Variants in DRC8 observed in about 807,000 individuals in gnomAD.
DRC8 encodes dynein regulatory complex protein 8.
At chr1:245,024,886 A>T in the DRC8 span, among the ~76,000 whole-genome samples, 3 of 151,998 alleles carry the variant, frequency 2.0e-5, no homozygotes, top group Admixed American at 2.0e-4. Context: ...ATATCTCTTA[A>T]AACTGTTTGT....
the DRC8 span, among the ~76,000 whole-genome samples, chr1:245,056,722 G>A: frequency 6.6e-6 from 1 of 152,124 alleles, no homozygotes; most frequent in African/African-American, 2.4e-5. Flanking sequence ...TGGATCACGA[G>A]GTCAAGAAAT....
At chr1:245,099,564 C>T in the DRC8 span, among the ~76,000 whole-genome samples, 4 of 152,216 alleles carry the variant, frequency 2.6e-5, no homozygotes, top group African/African-American at 4.8e-5. Flanking sequence ...CCTACCTGCT[C>T]TCTCCAGACA....
the DRC8 span, among the ~76,000 whole-genome samples, chr1:244,994,606 T>A: frequency 6.6e-6 from 1 of 152,072 alleles, no homozygotes; most frequent in African/African-American, 2.4e-5. Flanking sequence ...ATTTTTGTAT[T>A]TTTAGTAGTG....
the DRC8 span, among the ~76,000 whole-genome samples, chr1:245,015,481 C>T: frequency 3.3e-5 from 5 of 151,856 alleles, no homozygotes; most frequent in African/African-American, 9.7e-5. Flanking sequence ...GAGGCTGAGG[C>T]GGGTGGATAA....
chr1:245,104,488 A>G, the DRC8 span, among the ~76,000 whole-genome samples: 1 of 150,430 alleles, frequency 6.6e-6, no homozygotes, highest in African/African-American at 2.5e-5. Context: ...TGGGGGACAG[A>G]TCGAGACTCT....
At chr1:245,081,456 C>T in the DRC8 span, among the ~76,000 whole-genome samples, 17 of 151,670 alleles carry the variant, frequency 1.1e-4, no homozygotes, top group Admixed American at 2.6e-4. Context: ...CCATCGCACC[C>T]GGCAATTTTT....
the DRC8 span, among the ~76,000 whole-genome samples, chr1:245,101,522 T>G: frequency 6.6e-6 from 1 of 152,214 alleles, no homozygotes; most frequent in Non-Finnish European, 1.5e-5. Flanking sequence ...TAGGTCTATA[T>G]TAATACATTA....
chr1:244,982,543 A>G, the DRC8 span, among the ~76,000 whole-genome samples: 3 of 152,078 alleles, frequency 2.0e-5, no homozygotes, highest in Non-Finnish European at 4.4e-5. Flanking sequence ...GTGTGCCTGT[A>G]GTCCCAGCTA....
At chr1:245,074,189 A>G in the DRC8 span, among the ~76,000 whole-genome samples, 1 of 152,200 alleles carries the variant, frequency 6.6e-6, no homozygotes, top group South Asian at 2.1e-4. Flanking sequence ...TCAGATATTT[A>G]TTGTGTTAAC....
the DRC8 span, among the ~76,000 whole-genome samples, chr1:244,995,262 A>G: frequency 1.6e-4 from 24 of 152,020 alleles, no homozygotes; most frequent in African/African-American, 5.3e-4. Flanking sequence ...TTGGGAGGCT[A>G]AGTCAGGAGA....
chr1:245,026,510 T>A, the DRC8 span, among the ~76,000 whole-genome samples: 1 of 152,274 alleles, frequency 6.6e-6, no homozygotes, highest in South Asian at 2.1e-4. Context: ...CCAAGACAGT[T>A]ATTATCTGAG....
chr1:245,010,288 A>G, the DRC8 span, among the ~76,000 whole-genome samples: 1 of 152,240 alleles, frequency 6.6e-6, no homozygotes, highest in Non-Finnish European at 1.5e-5. Flanking sequence ...TCCTAGAGCC[A>G]TGAGCCCTGT....
At chr1:245,080,389 T>C in the DRC8 span, among the ~76,000 whole-genome samples, 3 of 152,192 alleles carry the variant, frequency 2.0e-5, no homozygotes, top group African/African-American at 7.2e-5. Flanking sequence ...TTCTCAGGTA[T>C]AGTCTTCTAA....
the DRC8 span, chr1:245,087,139 GGCACTGTGGGA>G: frequency 6.7e-7 from 1 of 1,488,710 alleles, no homozygotes; most frequent in Non-Finnish European, 9.0e-7. Context: ...CGTAACTAGT[GGCACTGTGGGA>G]GCTTGTGGGG....
At chr1:244,970,613 C>G in the DRC8 span, 1 of 697,180 alleles carries the variant, frequency 1.4e-6, no homozygotes, top group Non-Finnish European at 2.1e-6. Flanking sequence ...CTGCCCCCGT[C>G]CCCGTAGCCC....
the DRC8 span, among the ~76,000 whole-genome samples, chr1:244,976,085 A>G: frequency 7.9e-5 from 12 of 151,976 alleles, no homozygotes; most frequent in Non-Finnish European, 1.2e-4. Flanking sequence ...CCTGACCAAC[A>G]TGGTGAAACG....
At chr1:244,993,958 A>G in the DRC8 span, among the ~76,000 whole-genome samples, 1 of 151,326 alleles carries the variant, frequency 6.6e-6, no homozygotes, top group Non-Finnish European at 1.5e-5. Context: ...TTTTTTTGGT[A>G]TACTTTTTGG....
At chr1:245,094,115 G>A in the DRC8 span, among the ~76,000 whole-genome samples, 1 of 152,154 alleles carries the variant, frequency 6.6e-6, no homozygotes, top group Non-Finnish European at 1.5e-5. Context: ...CTTAGGCAAA[G>A]CTCACTGTTA....
the DRC8 span, among the ~76,000 whole-genome samples, chr1:244,998,628 G>A: frequency 4.6e-5 from 7 of 152,134 alleles, no homozygotes; most frequent in African/African-American, 1.2e-4. Context: ...GGCTAATGAA[G>A]TAGAAAAGGA....
Sources: allele counts gnomAD v4.1 joint callset (sites outside exome capture counted in the v4.1 genomes callset), GRCh38; gene constraint gnomAD v4.1.1; transcripts MANE v1.5; gene names NCBI Gene and HGNC (gene_info 2026-07-23, HGNC 2026-07-21).